Variants in BCL2L1 observed in about 807,000 individuals in gnomAD.
BCL2L1 encodes BCL2 like 1.
In BCL2L1, 1 loss-of-function variant was observed where a neutral mutation model predicts 18.7. That is an observed-to-expected ratio of 0.05 (90% CI 0.02 to 0.25). The LOEUF is 0.25. Among genes scored for constraint, BCL2L1 ranks in the 10% least tolerant of loss-of-function variants. The pLI is 1.00. For synonymous variants in BCL2L1, 103 were observed against 122.7 expected, an observed-to-expected ratio of 0.84 and a Z score of 1.06; for missense variants, 207 against 304.9, an observed-to-expected ratio of 0.68 and a Z score of 2.39.
intron 2 of BCL2L1, among the ~76,000 whole-genome samples, chr20:31,709,704 G>A (rs1226402098): frequency 2.6e-5 from 4 of 151,458 alleles, no homozygotes; most frequent in Non-Finnish European, 4.4e-5. Flanking sequence ...GCCTGGTGGC[G>A]GGCACCTGTA....
intron 2 of BCL2L1, among the ~76,000 whole-genome samples, chr20:31,696,022 C>A (rs1489056158): frequency 1.3e-5 from 2 of 152,146 alleles, no homozygotes; most frequent in Non-Finnish European, 2.9e-5. Flanking sequence ...TCAAGCAATA[C>A]TCCCACTTCA....
intron 2 of BCL2L1, among the ~76,000 whole-genome samples, chr20:31,704,748 C>T (rs557147521): frequency 3.9e-5 from 6 of 152,180 alleles, no homozygotes; most frequent in Non-Finnish European, 7.4e-5. Flanking sequence ...AATGCACCCC[C>T]CCAACGCACA....
intron 2 of BCL2L1, chr20:31,720,446 ACCTGCACCT>A (rs1312056014): frequency 1.8e-5 from 14 of 794,114 alleles, no homozygotes; most frequent in Non-Finnish European, 2.1e-5. Context: ...CTCTCATAAA[ACCTGCACCT>A]CCGCTAGGTA....
At chr20:31,714,475 G>A (rs982052635) in intron 2 of BCL2L1, among the ~76,000 whole-genome samples, 5 of 152,180 alleles carry the variant, frequency 3.3e-5, no homozygotes, top group African/African-American at 1.2e-4. Context: ...TTCCGTGAAT[G>A]GGTCTCTGAC....
rs539800898 is a variant in BCL2L1 at position 31,689,086 on chromosome 20, A to C, written c.565-23000T>G. 6.3e-4 allele frequency among the ~76,000 whole-genome samples: 95 copies of C among 150,724 alleles called. 1 individual carries two copies. In the South Asian group the frequency reaches 0.018, roughly 28 times the overall value. ...AATAGGGAAAGAAGAATACCATTAA[A>C]ATAAAAATTGGCTGGACACAGTGGC... On this transcript the variant is annotated intron_variant, in intron 2 of 2. Coordinates refer to ENST00000307677, the MANE Select transcript of BCL2L1 (RefSeq NM_138578.3).
intron 2 of BCL2L1, among the ~76,000 whole-genome samples, chr20:31,688,802 A>G (rs2061006471): frequency 6.6e-6 from 1 of 152,248 alleles, no homozygotes; most frequent in Admixed American, 6.5e-5. Context: ...AAAGTATAGA[A>G]TAGTGCCCTG....
intron 2 of BCL2L1, among the ~76,000 whole-genome samples, chr20:31,715,124 T>C: frequency 6.6e-6 from 1 of 152,016 alleles, no homozygotes; most frequent in East Asian, 1.9e-4. Flanking sequence ...TACCAAAAAT[T>C]AGCCGGGTGT....
At chr20:31,696,675 C>G (rs550536869) in intron 2 of BCL2L1, among the ~76,000 whole-genome samples, 1 of 152,072 alleles carries the variant, frequency 6.6e-6, no homozygotes, top group Non-Finnish European at 1.5e-5. Flanking sequence ...CACTTTGGGA[C>G]GTCAAGGTGG....
intron 2 of BCL2L1, among the ~76,000 whole-genome samples, chr20:31,675,388 T>G (rs2060742782): frequency 6.6e-6 from 1 of 152,174 alleles, no homozygotes; most frequent in Admixed American, 6.5e-5. Flanking sequence ...GATAAATGTG[T>G]GCTGAATAGA....
chr20:31,704,999 C>T (rs2061349494), intron 2 of BCL2L1, among the ~76,000 whole-genome samples: 1 of 152,018 alleles, frequency 6.6e-6, no homozygotes, highest in Admixed American at 6.6e-5. Context: ...AGTGGATAGA[C>T]CAAAAACTAC....
Position 31,670,771 on chromosome 20 carries a change from C to T in BCL2L1, c.565-4685G>A, listed in dbSNP as rs190438853. Among the ~76,000 whole-genome samples the T allele has an allele frequency of 3.4e-3, 510 of 152,218 alleles. 1 individual carries two copies. Among genetic ancestry groups the T allele is most frequent in the Middle Eastern group, 6.8e-3 (2 of 294 alleles). On this transcript the variant is annotated intron_variant, in intron 2 of 2. Coordinates refer to ENST00000307677, the MANE Select transcript of BCL2L1 (RefSeq NM_138578.3). ...CATGAGCAAAATGGGGCGTGCTGTTCCAGGGCGGGTGCTGGAGAGGCGGTG... is the reference window on the plus strand; with the variant it reads ...CATGAGCAAAATGGGGCGTGCTGTTTCAGGGCGGGTGCTGGAGAGGCGGTG...
chr20:31,694,419 C>T (rs2061134416), intron 2 of BCL2L1, among the ~76,000 whole-genome samples: 1 of 152,022 alleles, frequency 6.6e-6, no homozygotes. Flanking sequence ...GATTAGGTTT[C>T]TTGGGAAGGG....
chr20:31,678,382 T>C (rs936043846), intron 2 of BCL2L1, among the ~76,000 whole-genome samples: 1 of 152,174 alleles, frequency 6.6e-6, no homozygotes, highest in African/African-American at 2.4e-5. Context: ...TGCCTGAGAC[T>C]CTGGGAAAGT....
intron 2 of BCL2L1, among the ~76,000 whole-genome samples, chr20:31,688,796 T>C (rs373571728): frequency 4.3e-4 from 65 of 152,316 alleles, no homozygotes; most frequent in African/African-American, 1.5e-3. Flanking sequence ...CTGGTTAAAG[T>C]ATAGAATAGT....
At chr20:31,695,317 C>T (rs2061149214) in intron 2 of BCL2L1, among the ~76,000 whole-genome samples, 1 of 152,238 alleles carries the variant, frequency 6.6e-6, no homozygotes, top group African/African-American at 2.4e-5. Flanking sequence ...CTTTCCACTG[C>T]CCTTAAAGCA....
In BCL2L1 at chr20:31,697,890, C is replaced by CTGTTTTTTTTTTTTTGTTTGTT. The variant is rs1555871485; in HGVS notation, c.564+23764_564+23765insAACAAACAAAAAAAAAAAAACA. On this transcript the variant is annotated intron_variant, in intron 2 of 2. Coordinates refer to ENST00000307677, the MANE Select transcript of BCL2L1 (RefSeq NM_138578.3). The stretch of plus-strand genomic sequence containing the variant: ...ACAGAATCCTCAGCATGTGCTGTTG[C>CTGTTTTTTTTTTTTTGTTTGTT]TGTTTTTTTTTTTTTGAGACGGAGT... Among the ~76,000 whole-genome samples, 737 of 78,742 alleles carry CTGTTTTTTTTTTTTTGTTTGTT rather than the reference C, an allele frequency of 9.4e-3. 21 individuals are homozygous for CTGTTTTTTTTTTTTTGTTTGTT. Among genetic ancestry groups the CTGTTTTTTTTTTTTTGTTTGTT allele is most frequent in the African/African-American group, 0.034 (294 of 8,608 alleles). 51.7% of individuals were successfully genotyped at this position (78,742 alleles called of 152,430 possible).
At chr20:31,700,153 T>C (rs959713666) in intron 2 of BCL2L1, among the ~76,000 whole-genome samples, 2 of 152,236 alleles carry the variant, frequency 1.3e-5, no homozygotes, top group Non-Finnish European at 1.5e-5. Flanking sequence ...TCCTTGACCT[T>C]ATCTTGTTTA....
At chr20:31,672,610 A>C (rs148554758) in intron 2 of BCL2L1, among the ~76,000 whole-genome samples, 2 of 152,190 alleles carry the variant, frequency 1.3e-5, no homozygotes, top group African/African-American at 4.8e-5. Context: ...GCAGGGACCA[A>C]GTCTGGCCCA....
intron 2 of BCL2L1, among the ~76,000 whole-genome samples, chr20:31,711,473 C>T (rs1312762745): frequency 6.6e-6 from 1 of 152,180 alleles, no homozygotes; most frequent in Non-Finnish European, 1.5e-5. Flanking sequence ...GGCAGAGGGA[C>T]ACCAGCAAGA....
Sources: gnomAD v4.1 joint callset for allele counts (sites outside exome capture counted in the v4.1 genomes callset) on GRCh38, gnomAD v4.1.1 for gene constraint, MANE v1.5 for transcripts, NCBI Gene and HGNC (gene_info 2026-07-23, HGNC 2026-07-21) for gene names.